The following MTX2 variants were observed in gnomAD, a reference collection of about 807,000 sequenced individuals.
The protein encoded by MTX2 is metaxin-2.
MTX2 carries 35 observed loss-of-function variants against 42.3 expected under a neutral mutation model. The observed-to-expected ratio is 0.83, with a 90% confidence interval of 0.63 to 1.10. MTX2 has a LOEUF of 1.10. MTX2 is among the 50% of genes least tolerant of loss of function. MTX2 has a pLI of 0.00. For missense variants in MTX2, 307 were observed against 304.1 expected (o/e 1.01, Z -0.07); for synonymous variants, 119 against 100.9 (o/e 1.18, Z -1.08).
intron 6 of MTX2, 149 bp downstream of exon 6, chr2:176,328,534 T>C: frequency 1.8e-6 from 1 of 569,766 alleles, no homozygotes; most frequent in Non-Finnish European, 3.0e-6. Flanking sequence ...ATTTGATTAT[T>C]ACCTTTGAAC....
In MTX2 at chr2:176,337,780, TATATA is replaced by T. The variant is rs1685032650; in HGVS notation, c.*119_*123del. The T allele has an allele frequency of 4.6e-6, 4 of 869,646 alleles. No homozygotes were observed. In the South Asian group the frequency reaches 8.1e-5, roughly 18 times the overall value. 53.9% of individuals were successfully genotyped at this position (869,646 alleles called of 1,614,324 possible). ...ATTACTGCTTTTTGAAACCTCAAAT[TATATA>T]ATGTATCTTATGTATGTGCTTTATA... is the stretch of plus-strand genomic sequence containing the variant. On this transcript the variant is annotated 3_prime_UTR_variant, in exon 10 of 10. Coordinates refer to ENST00000249442, the MANE Select transcript of MTX2 (RefSeq NM_006554.5).
chr2:176,315,602 T>C (rs144878066), intron 3 of MTX2, among the ~76,000 whole-genome samples: 455 of 152,284 alleles, frequency 3.0e-3, no homozygotes, highest in Non-Finnish European at 4.8e-3. Flanking sequence ...AATCCCCAGC[T>C]CAACACCTTC....
chr2:176,329,970 A>G (rs1042833533), intron 8 of MTX2, among the ~76,000 whole-genome samples: 2 of 150,954 alleles, frequency 1.3e-5, no homozygotes, highest in Non-Finnish European at 3.0e-5. Flanking sequence ...AAAAATACTT[A>G]TCTTGTCCAC....
chr2:176,300,944 G>T (rs181079068), intron 3 of MTX2, among the ~76,000 whole-genome samples: 1 of 152,062 alleles, frequency 6.6e-6, no homozygotes, highest in Admixed American at 6.6e-5. Context: ...AGAAATACAC[G>T]TATTCAATGT....
At chr2:176,269,808 A>T (rs1692752159) in intron 1 of MTX2, 139 bp downstream of exon 1, 8 of 1,058,264 alleles carry the variant, frequency 7.6e-6, no homozygotes, top group Non-Finnish European at 1.3e-6. Flanking sequence ...GGCACGGACT[A>T]CCAACCTTAT....
intron 3 of MTX2, among the ~76,000 whole-genome samples, chr2:176,307,808 TGGGGTTTTCTAA>T (rs1684189910): frequency 2.6e-5 from 4 of 152,148 alleles, no homozygotes; most frequent in Admixed American, 2.6e-4. Flanking sequence ...GCTGAGACGA[TGGGGTTTTCTAA>T]ATATACAATC....
Position 176,269,614 on chromosome 2 carries a change from G to C in MTX2, c.-16G>C. ...CGTGGGGGGCAGGCACCCGGGCGCCGGGCCTCCCAGCCGACATGTCTCTAG... is the reference window on the plus strand; with the variant it reads ...CGTGGGGGGCAGGCACCCGGGCGCCCGGCCTCCCAGCCGACATGTCTCTAG... On this transcript the variant is annotated 5_prime_UTR_variant, in exon 1 of 10. Coordinates refer to ENST00000249442, the MANE Select transcript of MTX2 (RefSeq NM_006554.5). 1.3e-6 allele frequency: 2 copies of C among 1,581,064 alleles called. No individual in the cohort carries two copies. The highest frequency in any genetic ancestry group is 8.6e-7 in the Non-Finnish European group (1 of 1,167,846).
At chr2:176,334,135 T>C (rs1684932624) in intron 9 of MTX2, among the ~76,000 whole-genome samples, 1 of 151,802 alleles carries the variant, frequency 6.6e-6, no homozygotes, top group Non-Finnish European at 1.5e-5. Context: ...TGGAGTTATG[T>C]GGATATATAT....
At chr2:176,282,886 T>C (rs1469083418) in intron 1 of MTX2, among the ~76,000 whole-genome samples, 1 of 152,034 alleles carries the variant, frequency 6.6e-6, no homozygotes, top group Non-Finnish European at 1.5e-5. Context: ...GTATTTTTGA[T>C]AGAGACAGGG....
rs181047606 is a variant in MTX2 at position 176,315,519 on chromosome 2, G to T, written c.136-7873G>T. On this transcript the variant is annotated intron_variant, in intron 3 of 9. Transcript: ENST00000249442. The stretch of plus-strand genomic sequence containing the variant: ...CCTCCTAATTAGTTCTCCTGCTTCA[G>T]TGGTTCTGCTCTCAACAGTCTAATC... Among the ~76,000 whole-genome samples, 13 of 152,244 alleles carry T rather than the reference G, an allele frequency of 8.5e-5. No homozygotes were observed. In the East Asian group the frequency reaches 2.5e-3, roughly 29 times the overall value.
intron 3 of MTX2, among the ~76,000 whole-genome samples, chr2:176,317,800 C>G (rs749379503): frequency 3.3e-5 from 5 of 152,098 alleles, no homozygotes; most frequent in Non-Finnish European, 7.4e-5. Flanking sequence ...GTTTGGGTCC[C>G]TCTAGCTCAG....
At chr2:176,287,760 C>G (rs1442153930) in intron 1 of MTX2, among the ~76,000 whole-genome samples, 2 of 152,096 alleles carry the variant, frequency 1.3e-5, no homozygotes, top group East Asian at 3.9e-4. Context: ...TAATACTTCT[C>G]TATTTTGTCC....
chr2:176,287,851 T>G (rs1409569873), intron 1 of MTX2, among the ~76,000 whole-genome samples: 1 of 151,976 alleles, frequency 6.6e-6, no homozygotes, highest in African/African-American at 2.4e-5. Context: ...TGCTTGCAAA[T>G]GTGTTTTTTA....
At chr2:176,279,172 C>T (rs1425327574) in intron 1 of MTX2, among the ~76,000 whole-genome samples, 1 of 152,046 alleles carries the variant, frequency 6.6e-6, no homozygotes, top group Non-Finnish European at 1.5e-5. Flanking sequence ...CAAAGAATTT[C>T]TTCATAACTT....
chr2:176,321,856 C>T (rs914487638), intron 3 of MTX2, among the ~76,000 whole-genome samples: 2 of 151,946 alleles, frequency 1.3e-5, no homozygotes, highest in Non-Finnish European at 2.9e-5. Flanking sequence ...GGATAACAGC[C>T]TCTACCAGGA....
intron 1 of MTX2, among the ~76,000 whole-genome samples, chr2:176,270,016 G>T (rs892547153): frequency 2.0e-5 from 3 of 152,128 alleles, no homozygotes; most frequent in African/African-American, 7.2e-5. Flanking sequence ...GAACGCTTCA[G>T]TCTAAGAGTG....
chr2:176,298,841 T>G (rs907454435), intron 3 of MTX2, among the ~76,000 whole-genome samples: 1 of 152,158 alleles, frequency 6.6e-6, no homozygotes, highest in Non-Finnish European at 1.5e-5. Flanking sequence ...TTAACCCTTT[T>G]AAAATTGCTA....
At chr2:176,325,237 TTCTG>T (rs1312148575) in intron 4 of MTX2, among the ~76,000 whole-genome samples, 2 of 151,776 alleles carry the variant, frequency 1.3e-5, no homozygotes, top group Non-Finnish European at 3.0e-5. Context: ...AAAGTGATTA[TTCTG>T]TCTAAGACGG....
At chr2:176,318,734 C>CA (rs945161286) in intron 3 of MTX2, among the ~76,000 whole-genome samples, 7 of 152,184 alleles carry the variant, frequency 4.6e-5, no homozygotes, top group Non-Finnish European at 1.0e-4. Flanking sequence ...CAGATGATGT[C>CA]AGCCTCTCTT....
Sources: allele counts gnomAD v4.1 joint callset (sites outside exome capture counted in the v4.1 genomes callset), GRCh38; gene constraint gnomAD v4.1.1; transcripts MANE v1.5; gene names NCBI Gene and HGNC (gene_info 2026-07-23, HGNC 2026-07-21).